CPSF3: variants seen among roughly 807,000 people sequenced by gnomAD.
The protein encoded by CPSF3 is cleavage and polyadenylation specific factor 3.
In CPSF3, 57 loss-of-function variants were observed where a neutral mutation model predicts 84.1. The ratio of observed to expected loss-of-function variants is 0.68; its 90% CI spans 0.55 to 0.85. The LOEUF is 0.85. CPSF3 is among the 40% of genes least tolerant of loss of function. CPSF3 has a pLI of 0.00. For synonymous variants in CPSF3, 275 were observed against 278.1 expected (o/e 0.99, Z 0.11); for missense variants, 522 against 838.8 (o/e 0.62, Z 4.66).
At chr2:9,437,826 C>A (rs916033973) in intron 7 of CPSF3, among the ~76,000 whole-genome samples, 1 of 152,164 alleles carries the variant, frequency 6.6e-6, no homozygotes, top group African/African-American at 2.4e-5. Context: ...CAAGGCAAGA[C>A]CCTGTCTCTA....
At chr2:9,463,242 G>A (rs1338751433) in intron 15 of CPSF3, among the ~76,000 whole-genome samples, 1 of 152,220 alleles carries the variant, frequency 6.6e-6, no homozygotes, top group African/African-American at 2.4e-5. Flanking sequence ...TTTGAGCGGG[G>A]CTGAGACAGG....
chr2:9,434,004 G>A, intron 6 of CPSF3, 44 bp downstream of exon 6: 2 of 1,182,394 alleles, frequency 1.7e-6, no homozygotes, highest in Non-Finnish European at 2.5e-6. Flanking sequence ...AATGTAAGCA[G>A]ATTTTTTTTC....
intron 7 of CPSF3, among the ~76,000 whole-genome samples, chr2:9,439,714 T>G (rs938379292): frequency 6.6e-6 from 1 of 151,972 alleles, no homozygotes; most frequent in African/African-American, 2.4e-5. Flanking sequence ...CATGGCTGAG[T>G]GTGGTGACTC....
At chr2:9,438,576 C>T (rs972122195) in intron 7 of CPSF3, among the ~76,000 whole-genome samples, 7 of 147,870 alleles carry the variant, frequency 4.7e-5, no homozygotes, top group Admixed American at 1.4e-4. Flanking sequence ...CTCGGCTTGG[C>T]GCGATCTCGG....
chr2:9,446,580 CAAAAA>C (rs71389245), intron 10 of CPSF3, among the ~76,000 whole-genome samples: 1 of 89,158 alleles, frequency 1.1e-5, no homozygotes, highest in Non-Finnish European at 2.1e-5. Flanking sequence ...GACTCGGTCT[CAAAAA>C]AAAAAAAAAA....
chr2:9,448,898 C>T lies in CPSF3; in HGVS notation c.1395+548C>T, dbSNP rs1315614434. On this transcript the variant is annotated intron_variant, in intron 11 of 17. Transcript: ENST00000238112. Reference sequence around the variant, plus strand: ...AGCTGAATCTCATAGCTCTTTAATCCATATCCCCACTTGCTTTTCCTACCC... The same window carrying T: ...AGCTGAATCTCATAGCTCTTTAATCTATATCCCCACTTGCTTTTCCTACCC... 3.3e-5 allele frequency among the ~76,000 whole-genome samples: 5 copies of T among 152,136 alleles called. No homozygotes were observed. The East Asian group carries it at 9.7e-4, about 29-fold the overall frequency.
At chr2:9,459,054 G>A (rs1196913415) in intron 14 of CPSF3, among the ~76,000 whole-genome samples, 1 of 151,836 alleles carries the variant, frequency 6.6e-6, no homozygotes, top group African/African-American at 2.4e-5. Flanking sequence ...AGAGGTTGCA[G>A]TGAGCCAAGA....
chr2:9,467,645 T>C, intron 15 of CPSF3, 62 bp from the exon 16 acceptor site: 3 of 1,247,820 alleles, frequency 2.4e-6, no homozygotes, highest in Non-Finnish European at 3.5e-6. Flanking sequence ...GATTATTGAT[T>C]TGGAAATTAT....
intron 4 of CPSF3, among the ~76,000 whole-genome samples, chr2:9,431,740 G>A (rs367761499): frequency 2.0e-5 from 3 of 151,410 alleles, no homozygotes; most frequent in East Asian, 1.9e-4. Flanking sequence ...TAGTAGAGAC[G>A]GGGTTTTACC....
intron 7 of CPSF3, 68 bp downstream of exon 7, chr2:9,436,429 T>G: frequency 1.3e-6 from 2 of 1,483,224 alleles, no homozygotes; most frequent in Non-Finnish European, 1.8e-6. Flanking sequence ...AATAATGTGG[T>G]CTTGGATGAG....
chr2:9,424,157 G>A, intron 1 of CPSF3: 23 of 1,062,428 alleles, frequency 2.2e-5, no homozygotes, highest in Non-Finnish European at 2.6e-5. Flanking sequence ...CTGCGCGTCA[G>A]GGCAAGCTGT....
chr2:9,441,618 T>G, intron 8 of CPSF3, 200 bp from the exon 9 acceptor site: 1 of 572,106 alleles, frequency 1.7e-6, no homozygotes, highest in Non-Finnish European at 3.1e-6. Flanking sequence ...TTACCGCTTT[T>G]TATTACTTGG....
In CPSF3 at chr2:9,450,596, T is replaced by A. The variant is rs374993348; in HGVS notation, c.1395+2246T>A. 2.8e-4 allele frequency among the ~76,000 whole-genome samples: 42 copies of A among 152,068 alleles called. No homozygotes were observed. In the East Asian group the frequency reaches 7.4e-3, roughly 27 times the overall value. Reference sequence around the variant, plus strand: ...TGAGATCAGGAGTTCGAGACCAGCCTGGCCAACATGGAGAAACCCTGTCTC... The same window carrying A: ...TGAGATCAGGAGTTCGAGACCAGCCAGGCCAACATGGAGAAACCCTGTCTC... On this transcript the variant is annotated intron_variant, in intron 11 of 17. Coordinates refer to ENST00000238112, the MANE Select transcript of CPSF3 (RefSeq NM_016207.4).
intron 10 of CPSF3, among the ~76,000 whole-genome samples, chr2:9,447,081 C>T (rs546702726): frequency 1.6e-4 from 24 of 151,980 alleles, no homozygotes; most frequent in African/African-American, 5.3e-4. Context: ...ATTGAGGCCA[C>T]GGTGAGCCAA....
At chr2:9,470,009 T>C (rs1181168067) in intron 16 of CPSF3, among the ~76,000 whole-genome samples, 1 of 152,024 alleles carries the variant, frequency 6.6e-6, no homozygotes, top group African/African-American at 2.4e-5. Flanking sequence ...AGGTTAGGGG[T>C]TCGAGACCAG....
rs546091552 is a variant in CPSF3, at chr2:9,432,769, A to G, written c.519+81A>G. The G allele has an allele frequency of 5.6e-5, 62 of 1,115,370 alleles. No homozygotes were observed. In the East Asian group the frequency reaches 1.4e-3, roughly 25 times the overall value. The allele number at this position is 1,115,370 out of a possible 1,614,324, so 69.1% of individuals were successfully genotyped here. On this transcript the variant is annotated intron_variant, in intron 5 of 17. Transcript: ENST00000238112. ...CCACCAAGTACTATTAAAAAAAAAA[A>G]TTCCCTAAGACTTGCAAAGTGTCAG...
intron 3 of CPSF3, 76 bp downstream of exon 3, chr2:9,430,096 A>G (rs1680528684): frequency 2.1e-6 from 2 of 931,886 alleles, no homozygotes; most frequent in South Asian, 1.7e-5. Context: ...AGATTTTGAG[A>G]GTTTGGTTTT....
At chr2:9,424,188 T>C in intron 1 of CPSF3, 2 of 1,031,844 alleles carry the variant, frequency 1.9e-6, no homozygotes, top group Non-Finnish European at 2.3e-6. Flanking sequence ...GTGAAGCTTA[T>C]GACCGACAGG....
At position 9,429,964 on chromosome 2, in the gene CPSF3, T is replaced by C. The variant is rs764500432; in HGVS notation, c.156T>C (p.Ala52=). The part of the protein sequence containing the change: ...GIHPGLEGMD[A]LPYIDLIDPA... ...ACCCTGGCCTAGAAGGAATGGATGCTCTTCCTTATATTGATTTAATTGACC... is the reference window on the plus strand; with the variant it reads ...ACCCTGGCCTAGAAGGAATGGATGCCCTTCCTTATATTGATTTAATTGACC... Residue 52 remains alanine, a synonymous_variant, in exon 3 of 18, where the codon GCT becomes GCC. Transcript: ENST00000238112. 1 of 1,599,568 alleles carries C rather than the reference T, an allele frequency of 6.3e-7. No homozygotes were observed. The highest frequency in any genetic ancestry group is 1.8e-5 in the Admixed American group (1 of 56,788).
Sources: allele counts gnomAD v4.1 joint callset (sites outside exome capture counted in the v4.1 genomes callset), GRCh38; gene constraint gnomAD v4.1.1; transcripts MANE v1.5; gene names NCBI Gene and HGNC (gene_info 2026-07-23, HGNC 2026-07-21).